Variants in YTHDF3 observed in about 807,000 individuals in gnomAD.
The protein encoded by YTHDF3 is YTH domain-containing family protein 3.
YTHDF3 carries 9 observed loss-of-function variants against 52.5 expected under a neutral mutation model. The ratio of observed to expected loss-of-function variants is 0.17; its 90% CI spans 0.10 to 0.30. The LOEUF (loss-of-function observed/expected upper bound fraction) is 0.30. Ranked by LOEUF, YTHDF3 falls within the 10% of genes least tolerant of loss-of-function variation. The pLI, the probability that YTHDF3 is intolerant of heterozygous loss-of-function variation, is 1.00. For missense variants in YTHDF3, 534 were observed against 715.0 expected (o/e 0.75, Z 2.89); for synonymous variants, 274 against 243.3 (o/e 1.13, Z -1.18).
intron 3 of YTHDF3, among the ~76,000 whole-genome samples, chr8:63,177,390 CTT>C (rs919948060): frequency 6.6e-6 from 1 of 152,054 alleles, no homozygotes; most frequent in Non-Finnish European, 1.5e-5. Context: ...AAGAAAAAAA[CTT>C]TACGATCTCA....
chr8:63,177,580 G>A (rs1410065145), intron 3 of YTHDF3, among the ~76,000 whole-genome samples: 1 of 152,050 alleles, frequency 6.6e-6, no homozygotes, highest in Non-Finnish European at 1.5e-5. Context: ...ATATTAGGAG[G>A]TGTAATAAAT....
intron 4 of YTHDF3, among the ~76,000 whole-genome samples, chr8:63,204,361 G>GT (rs1205321648): frequency 0.028 from 3,494 of 124,818 alleles, 56 homozygotes; most frequent in African/African-American, 0.049. Flanking sequence ...TGTGTTTGTT[G>GT]TTTTTTTTTT....
chr8:63,183,274 T>C (rs1808273274), intron 3 of YTHDF3, among the ~76,000 whole-genome samples: 1 of 152,182 alleles, frequency 6.6e-6, no homozygotes, highest in Admixed American at 6.5e-5. Flanking sequence ...TTTTATCTTT[T>C]AATCAGTTAC....
chr8:63,193,574 A>G (rs1307125978), intron 4 of YTHDF3, among the ~76,000 whole-genome samples: 1 of 152,084 alleles, frequency 6.6e-6, no homozygotes, highest in Non-Finnish European at 1.5e-5. Context: ...TGAGTAGCAC[A>G]ATGAGAGCCC....
chr8:63,209,004 A>T (rs562880420), intron 4 of YTHDF3, among the ~76,000 whole-genome samples: 1 of 152,190 alleles, frequency 6.6e-6, no homozygotes, highest in South Asian at 2.1e-4. Flanking sequence ...AGTAGCTGGG[A>T]TTACAGGCAC....
At chr8:63,179,747 T>C (rs1370205541) in intron 3 of YTHDF3, among the ~76,000 whole-genome samples, 5 of 152,062 alleles carry the variant, frequency 3.3e-5, no homozygotes, top group East Asian at 3.9e-4. Context: ...ACCTCCCAGA[T>C]GGGGTGGTGG....
chr8:63,204,862 T>G (rs1479905807), intron 4 of YTHDF3, among the ~76,000 whole-genome samples: 1 of 152,322 alleles, frequency 6.6e-6, no homozygotes, highest in East Asian at 1.9e-4. Flanking sequence ...ACCGAAATAT[T>G]GCTAATGGTG....
intron 3 of YTHDF3, among the ~76,000 whole-genome samples, chr8:63,176,374 C>T (rs952080288): frequency 3.3e-5 from 5 of 152,078 alleles, no homozygotes; most frequent in East Asian, 3.9e-4. Context: ...CTCTGCCTCC[C>T]GGGTTCACGC....
intron 4 of YTHDF3, among the ~76,000 whole-genome samples, chr8:63,191,209 C>T (rs949264285): frequency 3.3e-5 from 5 of 152,064 alleles, no homozygotes; most frequent in African/African-American, 4.8e-5. Flanking sequence ...AATGTGAAAA[C>T]GTGTACAATA....
At chr8:63,191,937 G>T (rs1335075671) in intron 4 of YTHDF3, among the ~76,000 whole-genome samples, 39 of 151,990 alleles carry the variant, frequency 2.6e-4, no homozygotes. Context: ...TTCCTTTTGG[G>T]GGTAATGTAA....
chr8:63,196,532 A>T (rs969076914), intron 4 of YTHDF3, among the ~76,000 whole-genome samples: 1 of 151,704 alleles, frequency 6.6e-6, no homozygotes, highest in African/African-American at 2.4e-5. Context: ...ACTGCACTCC[A>T]TCCTGGGCGA....
chr8:63,187,409 T>C lies in YTHDF3; in HGVS notation c.1398T>C (p.Ser466=), dbSNP rs569494412. The change falls in exon 4 of 5, where the codon AGT becomes AGC. Residue 466 remains serine (S), a synonymous_variant. Transcript: ENST00000539294. ...AAGGCCCACTCTATTTACTCTTCAG[T>C]GTGAATGGCAGTGGACATTTTTGTG... is the stretch of plus-strand genomic sequence containing the variant. The part of the protein sequence containing the change: ...NGKGPLYLLF[S]VNGSGHFCGV... 5.6e-6 allele frequency: 9 copies of C among 1,613,992 alleles called. No individual in the cohort carries two copies. Among genetic ancestry groups the C allele is most frequent in the South Asian group, 1.1e-5 (1 of 91,086 alleles).
chr8:63,173,620 A>G, intron 2 of YTHDF3: 1 of 984,602 alleles, frequency 1.0e-6, no homozygotes, highest in Non-Finnish European at 1.2e-6. Context: ...TTCAAGAAGT[A>G]ATAGACCATG....
At chr8:63,172,104 C>G (rs1331871929) in intron 2 of YTHDF3, among the ~76,000 whole-genome samples, 3 of 152,102 alleles carry the variant, frequency 2.0e-5, no homozygotes, top group African/African-American at 7.2e-5. Flanking sequence ...TGTTAAATAT[C>G]AGAACTCTTT....
At chr8:63,195,132 G>T (rs1809152638) in intron 4 of YTHDF3, among the ~76,000 whole-genome samples, 1 of 152,180 alleles carries the variant, frequency 6.6e-6, no homozygotes, top group South Asian at 2.1e-4. Flanking sequence ...GGAATGTCAG[G>T]CCCTCTATTT....
In YTHDF3 at chr8:63,209,666, T is replaced by TG. The variant is rs771055821; in HGVS notation, c.1735-16dup. On this transcript the variant is annotated splice_polypyrimidine_tract_variant and intron_variant, in intron 4 of 4. Transcript: ENST00000539294. ...CATTGTAATTCTTTTTGTGTGTGTG[T>TG]GTTTTTTTTTTTTCAGGAGAGAAAT... 6.5e-7 allele frequency: 1 copy of TG among 1,547,598 alleles called. No homozygotes were observed. Among genetic ancestry groups the TG allele is most frequent in the South Asian group, 1.2e-5 (1 of 82,878 alleles).
Position 63,168,740 on chromosome 8 carries a change from T to G in YTHDF3, c.-138T>G. 2.0e-6 allele frequency: 3 copies of G among 1,518,594 alleles called. No individual in the cohort carries two copies. The highest frequency in any genetic ancestry group is 2.7e-6 in the Non-Finnish European group (3 of 1,123,300). 94.1% of individuals were successfully genotyped at this position (1,518,594 alleles called of 1,614,324 possible). A position where few individuals can be genotyped will look rare whatever the true frequency, so the allele number is the denominator to read the frequency against. On this transcript the variant is annotated 5_prime_UTR_variant, in exon 1 of 5. Coordinates refer to ENST00000539294, the MANE Select transcript of YTHDF3 (RefSeq NM_152758.6). ...CCGACTCCCGAGCGCGAGGCCCTCA[T>G]TTTGGGTTCTCAGCGAACGGCGGCA...
intron 3 of YTHDF3, among the ~76,000 whole-genome samples, chr8:63,179,759 C>T (rs1408948171): frequency 6.6e-5 from 10 of 152,222 alleles, no homozygotes; most frequent in Non-Finnish European, 8.8e-5. Flanking sequence ...GGGTGGTGGC[C>T]GGGCAGAGGG....
Position 63,187,193 on chromosome 8 carries a change from G to C in YTHDF3, c.1182G>C (p.Val394=), listed in dbSNP as rs753282208. The C allele has an allele frequency of 1.2e-6, 2 of 1,614,024 alleles. No homozygotes were observed. Among genetic ancestry groups the C allele is most frequent in the East Asian group, 4.5e-5 (2 of 44,886 alleles). Residue 394 remains valine (V), a synonymous_variant, in exon 4 of 5, where the codon GTG becomes GTC. Transcript: ENST00000539294. ...ASPSSVEVHP[V]LEKLKAINNY... Reference sequence around the variant, plus strand: ...CTTCTAGTGTAGAAGTGCATCCCGTGCTGGAAAAGCTAAAGGCCATAAACA... The same window carrying C: ...CTTCTAGTGTAGAAGTGCATCCCGTCCTGGAAAAGCTAAAGGCCATAAACA...
Sources: allele counts gnomAD v4.1 joint callset (sites outside exome capture counted in the v4.1 genomes callset), GRCh38; gene constraint gnomAD v4.1.1; transcripts MANE v1.5; gene names NCBI Gene and HGNC (gene_info 2026-07-23, HGNC 2026-07-21).